SMCHD1: variants seen among roughly 807,000 people sequenced by gnomAD.
The protein encoded by SMCHD1 is structural maintenance of chromosomes flexible hinge domain-containing protein 1.
Under a neutral mutation model 254.7 loss-of-function variants are expected in SMCHD1, and 78 were observed. That is an observed-to-expected ratio of 0.31 (90% CI 0.26 to 0.37). SMCHD1 has a LOEUF of 0.37. Ranked by LOEUF, SMCHD1 falls within the 10% of genes least tolerant of loss-of-function variation. The pLI is 1.00. For missense variants in SMCHD1, 1,840 were observed against 2,408.1 expected (o/e 0.76, Z 4.94); for synonymous variants, 766 against 794.9 (o/e 0.96, Z 0.61).
At position 2,778,772 on chromosome 18, in the gene SMCHD1, G is replaced by A. The variant is rs759341743; in HGVS notation, c.5547+533G>A. Among the ~76,000 whole-genome samples, 10 of 152,114 alleles carry A rather than the reference G, an allele frequency of 6.6e-5. No homozygotes were observed. In the South Asian group the frequency reaches 8.3e-4, roughly 13 times the overall value. ...TCCCCCTGTCTCTTCACATCTGTGC[G>A]TGACTGTGTTCAAATTTCCCCCTTG... is the stretch of plus-strand genomic sequence containing the variant. On this transcript the variant is annotated intron_variant, in intron 44 of 47. Transcript: ENST00000320876.
At chr18:2,745,762 A>G (rs1016590361) in intron 29 of SMCHD1, among the ~76,000 whole-genome samples, 1 of 152,228 alleles carries the variant, frequency 6.6e-6, no homozygotes, top group African/African-American at 2.4e-5. Context: ...AAAATTTATT[A>G]TAAGAGTTAT....
intron 21 of SMCHD1, 52 bp from the exon 22 acceptor site, chr18:2,726,395 AACTAC>A: frequency 1.1e-6 from 1 of 901,016 alleles, no homozygotes; most frequent in Non-Finnish European, 1.7e-6. Context: ...TGATGTGATA[AACTAC>A]TTAAGTATGT....
chr18:2,697,051 A>G lies in SMCHD1; in HGVS notation c.1060A>G (p.Ile354Val), dbSNP rs2074300283. Reference sequence around the variant, plus strand: ...TTTTAGGCATATTTATCACTACTATATTCATGGCCCAAAAGGAAATGAAAT... The same window carrying G: ...TTTTAGGCATATTTATCACTACTATGTTCATGGCCCAAAAGGAAATGAAAT... Reference protein sequence around the residue: ...RQLAHIYHYYIHGPKGNEIRT... With the variant: ...RQLAHIYHYYVHGPKGNEIRT... The change falls in exon 9 of 48, where the codon ATT becomes GTT. Residue 354 changes from isoleucine to valine, a missense_variant. Physicochemically the swap from Ile to Val is conservative, Grantham distance 29. Around this residue, in one of 9 missense-constraint regions of SMCHD1, gnomAD observed 498 missense variants for 743.5 expected, o/e 0.67. Coordinates refer to ENST00000320876, the MANE Select transcript of SMCHD1 (RefSeq NM_015295.3). The G allele has an allele frequency of 6.7e-7, 1 of 1,484,874 alleles. No individual in the cohort carries two copies. The highest frequency in any genetic ancestry group is 1.4e-5 in the African/African-American group (1 of 70,832). 92.0% of individuals were successfully genotyped at this position (1,484,874 alleles called of 1,614,324 possible).
intron 30 of SMCHD1, 27 bp downstream of exon 30, chr18:2,747,674 C>T (rs780478768): frequency 1.3e-6 from 2 of 1,483,388 alleles, no homozygotes; most frequent in East Asian, 2.4e-5. Flanking sequence ...CTTACATCTT[C>T]ATTTAAAATT....
intron 44 of SMCHD1, among the ~76,000 whole-genome samples, chr18:2,783,825 C>T (rs2076197070): frequency 6.6e-6 from 1 of 152,106 alleles, no homozygotes; most frequent in Non-Finnish European, 1.5e-5. Context: ...CCCACCTTGG[C>T]CTCCCAAAGT....
chr18:2,719,756 A>G (rs1210409293), intron 19 of SMCHD1, among the ~76,000 whole-genome samples: 1 of 148,560 alleles, frequency 6.7e-6, no homozygotes, highest in Non-Finnish European at 1.5e-5. Context: ...GCTCACTGCA[A>G]CCTCTGACTC....
At chr18:2,798,347 T>C (rs1456528336) in intron 47 of SMCHD1, among the ~76,000 whole-genome samples, 1 of 152,190 alleles carries the variant, frequency 6.6e-6, no homozygotes, top group African/African-American at 2.4e-5. Context: ...AAGCTGATCA[T>C]TCAAAGTGTG....
intron 44 of SMCHD1, among the ~76,000 whole-genome samples, chr18:2,781,713 G>T (rs2076159786): frequency 6.6e-6 from 1 of 151,892 alleles, no homozygotes; most frequent in Non-Finnish European, 1.5e-5. Flanking sequence ...AAAATCAAAA[G>T]ATACAATAGA....
rs1318627454 is a variant in SMCHD1 at position 2,804,765 on chromosome 18, G to A, written c.*2213G>A. 6.6e-6 allele frequency: 1 copy of A among 152,148 alleles called. No homozygotes were observed. The highest frequency in any genetic ancestry group is 1.5e-5 in the Non-Finnish European group (1 of 68,028). 9.4% of individuals were successfully genotyped at this position (152,148 alleles called of 1,614,324 possible). A position where few individuals can be genotyped will look rare whatever the true frequency, so the allele number is the denominator to read the frequency against. On this transcript the variant is annotated 3_prime_UTR_variant, in exon 48 of 48. Coordinates refer to ENST00000320876, the MANE Select transcript of SMCHD1 (RefSeq NM_015295.3). ...AATAAATTGCTTTTGTGTTTAATAT[G>A]TAACACGTAAGAACAATTGAAATTT...
intron 17 of SMCHD1, among the ~76,000 whole-genome samples, chr18:2,715,197 C>T (rs372494312): frequency 6.6e-6 from 1 of 152,140 alleles, no homozygotes; most frequent in South Asian, 2.1e-4. Context: ...AATAGGTTTT[C>T]TAAAGTTTTT....
intron 45 of SMCHD1, among the ~76,000 whole-genome samples, chr18:2,792,082 A>C (rs1242724040): frequency 6.6e-6 from 1 of 152,190 alleles, no homozygotes; most frequent in Non-Finnish European, 1.5e-5. Context: ...GCTCCTTTAA[A>C]CTTTACCAAT....
chr18:2,758,660 A>AT (rs1351206063), intron 34 of SMCHD1, among the ~76,000 whole-genome samples: 3 of 152,094 alleles, frequency 2.0e-5, no homozygotes, highest in Admixed American at 6.6e-5. Flanking sequence ...CTTGAAGGAT[A>AT]TTTTTACTGC....
intron 45 of SMCHD1, among the ~76,000 whole-genome samples, chr18:2,787,640 C>T (rs1023759712): frequency 6.6e-6 from 1 of 152,102 alleles, no homozygotes. Context: ...TTCCCAAAAC[C>T]AGAAAGAATT....
intron 1 of SMCHD1, among the ~76,000 whole-genome samples, chr18:2,662,792 G>T (rs9946054): frequency 0.032 from 4,864 of 150,276 alleles, 254 homozygotes; most frequent in African/African-American, 0.11. Context: ...TTTTGTCTCT[G>T]TTAAACAAAT....
In SMCHD1 at chr18:2,743,773, A is replaced by C. The variant is rs975216457; in HGVS notation, c.3646A>C (p.Ser1216Arg). 1.9e-6 allele frequency: 3 copies of C among 1,608,550 alleles called. No individual in the cohort carries two copies. Among genetic ancestry groups the C allele is most frequent in the Non-Finnish European group, 1.7e-6 (2 of 1,177,206 alleles). ...TTTTCCTCACTAGGAAAACACACAG[A>C]GTATAAGTGTAAGAGGCATCAAATT... is the stretch of plus-strand genomic sequence containing the variant. ...LKTTFQENTQ[S>R]ISVRGIKFIP... The change falls in exon 29 of 48, where the codon AGT (serine) becomes CGT (arginine). Residue 1216 changes from serine to arginine, a missense_variant. By Grantham distance (110) the Ser-to-Arg change is moderately radical (BLOSUM62 -1). Coordinates refer to ENST00000320876, the MANE Select transcript of SMCHD1 (RefSeq NM_015295.3).
chr18:2,752,569 T>G lies in SMCHD1; in HGVS notation c.4346+17T>G. On this transcript the variant is annotated intron_variant, in intron 34 of 47. Transcript: ENST00000320876. ...CTATTTCAGGTATTTCTCAAAACATTTCATATTTTGAATACATATCTTGTT... is the reference window on the plus strand; with the variant it reads ...CTATTTCAGGTATTTCTCAAAACATGTCATATTTTGAATACATATCTTGTT... 2 of 1,496,536 alleles carry G rather than the reference T, an allele frequency of 1.3e-6. No homozygotes were observed. The highest frequency in any genetic ancestry group is 1.9e-6 in the Non-Finnish European group (2 of 1,075,468). The allele number at this position is 1,496,536 out of a possible 1,614,324, so 92.7% of individuals were successfully genotyped here. A position where few individuals can be genotyped will look rare whatever the true frequency, so the allele number is the denominator to read the frequency against.
chr18:2,708,907 T>TAAA lies in SMCHD1; in HGVS notation c.2260+989_2260+990insAAA, dbSNP rs1555635504. On this transcript the variant is annotated intron_variant, in intron 17 of 47. Transcript: ENST00000320876. ...ATATATATATATATATATATATATA[T>TAAA]AACATATTAACATGAAATTTATGAA... Among the ~76,000 whole-genome samples, 24 of 44,706 alleles carry TAAA rather than the reference T, an allele frequency of 5.4e-4. 1 individual carries two copies. The highest frequency in any genetic ancestry group is 2.0e-3 in the African/African-American group (24 of 11,892). The allele number at this position is 44,706 out of a possible 152,430, so 29.3% of individuals were successfully genotyped here.
intron 3 of SMCHD1, among the ~76,000 whole-genome samples, chr18:2,668,555 G>A (rs985050535): frequency 2.0e-5 from 3 of 152,086 alleles, no homozygotes; most frequent in Non-Finnish European, 4.4e-5. Flanking sequence ...TACCTCTCAT[G>A]TTGTTCTTTT....
intron 37 of SMCHD1, among the ~76,000 whole-genome samples, chr18:2,767,440 G>A (rs1208995258): frequency 1.3e-5 from 2 of 152,068 alleles, no homozygotes; most frequent in East Asian, 1.9e-4. Context: ...GCTGTATGCA[G>A]TCATGTCATC....
Sources: gnomAD v4.1 joint callset for allele counts (sites outside exome capture counted in the v4.1 genomes callset) on GRCh38, gnomAD v4.1.1 for gene constraint, gnomAD v4.1.1 regional missense constraint, MANE v1.5 for transcripts, NCBI Gene and HGNC (gene_info 2026-07-23, HGNC 2026-07-21) for gene names.